DDX3X: variants seen among roughly 807,000 people sequenced by gnomAD.
The protein encoded by DDX3X is ATP-dependent RNA helicase DDX3X.
DDX3X carries 4 observed loss-of-function variants against 52.7 expected under a neutral mutation model. The observed-to-expected ratio is 0.08, with a 90% confidence interval of 0.04 to 0.17. The LOEUF is 0.17. Ranked by LOEUF, DDX3X falls within the 10% of genes least tolerant of loss-of-function variation. The pLI is 1.00. For missense variants in DDX3X, 222 were observed against 548.6 expected (o/e 0.40, Z 5.95); for synonymous variants, 192 against 178.1 (o/e 1.08, Z -0.62).
chrX:41,361,730 C>T lies in DDX3X; in HGVS notation c.655-2544C>T, dbSNP rs774956130. ...TAGACAATATATCACAAACAAATCC[C>T]GAAGTGCTGGGATTACAGGCATGAG... is the stretch of plus-strand genomic sequence containing the variant. On this transcript the variant is annotated intron_variant, in intron 5 of 5. Transcript: ENST00000616050. 1.1e-4 allele frequency among the ~76,000 whole-genome samples: 12 copies of T among 110,927 alleles called. No homozygotes were observed. In the South Asian group the frequency reaches 4.6e-3, roughly 43 times the overall value.
intron 5 of DDX3X, among the ~76,000 whole-genome samples, chrX:41,360,293 G>A (rs1045737420): frequency 1.1e-4 from 12 of 107,072 alleles, no homozygotes; most frequent in African/African-American, 4.1e-4. Context: ...CAGGAGAATC[G>A]CTTGAACCCG....
Position 41,346,991 on chromosome X carries a change from G to A in DDX3X, c.1748G>A (p.Ser583Asn), listed in dbSNP as rs753372536. The change falls in exon 15 of 17, where the codon AGC (serine) becomes AAC (asparagine). Residue 583 changes from serine to asparagine, a missense_variant. Transcript: ENST00000644876. ...NMAYEHHYKG[S>N]SRGRSKSSRF... ...GCTTATGAACACCACTACAAGGGTA[G>A]CAGTCGTGGACGTTCTAAGAGGTGA... 2 of 1,208,036 alleles carry A rather than the reference G, an allele frequency of 1.7e-6. No individual in the cohort carries two copies. Among genetic ancestry groups the A allele is most frequent in the African/African-American group, 3.5e-5 (2 of 56,986 alleles).
At position 41,341,462 on chromosome X, in the gene DDX3X, A is replaced by G. The variant is rs767428583; in HGVS notation, c.152-22A>G. ...CTATTTCTAATTAATAATAAAATGT[A>G]TTTGTGCTTTTTTAATCAAAGGTTT... is the stretch of plus-strand genomic sequence containing the variant. On this transcript the variant is annotated intron_variant, in intron 3 of 16. Coordinates refer to ENST00000644876, the MANE Select transcript of DDX3X (RefSeq NM_001356.5). The G allele has an allele frequency of 2.6e-6, 3 of 1,169,407 alleles. No homozygotes were observed. The East Asian group carries it at 9.0e-5, about 35-fold the overall frequency.
rs774166436 is a variant in DDX3X at position 41,345,383 on chromosome X, TAAA to T, written c.1171-18_1171-16del. On this transcript the variant is annotated intron_variant, in intron 11 of 16. Coordinates refer to ENST00000644876, the MANE Select transcript of DDX3X (RefSeq NM_001356.5). ...GAAATTTGTTTATCTCAGGTAATAATAAAAATTTTTTTTCTTTCAGATGCTGGC... is the reference window on the plus strand; with the variant it reads ...GAAATTTGTTTATCTCAGGTAATAATAATTTTTTTTCTTTCAGATGCTGGC... 44 of 1,195,326 alleles carry T rather than the reference TAAA, an allele frequency of 3.7e-5. No individual in the cohort carries two copies. Among genetic ancestry groups the T allele is most frequent in the South Asian group, 2.0e-4 (11 of 53,734 alleles).
chrX:41,343,738 G>T lies in DDX3X; in HGVS notation c.681G>T (p.Gly227=). ...KRDLMACAQT[G]SGKTAAFLLP... ...ATTTGTTTGTTTGTTTTTGAACAGG[G>T]TCTGGAAAAACTGCAGCATTTCTGT... The change falls in exon 8 of 17, where the codon GGG becomes GGT. Residue 227 remains glycine (G), a splice_region_variant and synonymous_variant. Coordinates refer to ENST00000644876, the MANE Select transcript of DDX3X (RefSeq NM_001356.5). 5 of 1,208,313 alleles carry T rather than the reference G, an allele frequency of 4.1e-6. No individual in the cohort carries two copies. The highest frequency in any genetic ancestry group is 5.6e-6 in the Non-Finnish European group (5 of 892,817).
At chrX:41,344,742 A>T (rs1050645705) in intron 10 of DDX3X, among the ~76,000 whole-genome samples, 7 of 112,224 alleles carry the variant, frequency 6.2e-5, no homozygotes, top group Non-Finnish European at 1.1e-4. Flanking sequence ...CCGGCCAAGT[A>T]TGTTAATTTT....
Position 41,349,009 on chromosome X carries a change from A to G in DDX3X, c.*1290A>G, listed in dbSNP as rs1322951376. 1 of 112,224 alleles carries G rather than the reference A, an allele frequency of 8.9e-6. No individual in the cohort carries two copies. Among genetic ancestry groups the G allele is most frequent in the Non-Finnish European group, 1.9e-5 (1 of 53,243 alleles). 9.2% of individuals were successfully genotyped at this position (112,224 alleles called of 1,213,427 possible). A position where few individuals can be genotyped will look rare whatever the true frequency, so the allele number is the denominator to read the frequency against. On this transcript the variant is annotated 3_prime_UTR_variant, in exon 17 of 17. Coordinates refer to ENST00000644876, the MANE Select transcript of DDX3X (RefSeq NM_001356.5). ...TTTATGCTAAATCTGGCCAAAGATG[A>G]GCATTGTCCACCACTAAAATGCCTC...
chrX:41,343,610 T>G (rs2063882550), intron 7 of DDX3X, 127 bp from the exon 8 acceptor site: 5 of 655,616 alleles, frequency 7.6e-6, no homozygotes, highest in Non-Finnish European at 1.1e-5. Context: ...GAGAAGCCAC[T>G]TTTTGGAAAA....
rs773694310 is a variant in DDX3X, at chrX:41,345,522, T to A, written c.1289T>A (p.Phe430Tyr). The A allele has an allele frequency of 2.5e-6, 3 of 1,204,677 alleles. No homozygotes were observed. The African/African-American group carries it at 5.3e-5, about 21-fold the overall frequency. ...GTGGAAGAATCAGACAAACGGTCAT[T>A]TCTGCTTGACCTCCTAAATGCAACA... ...VWVEESDKRS[F>Y]LLDLLNATGK... Residue 430 changes from phenylalanine to tyrosine, a missense_variant, in exon 12 of 17, where the codon TTT becomes TAT. Around this residue, in one of 5 missense-constraint regions of DDX3X, gnomAD observed 73 missense variants for 301.4 expected, o/e 0.24. Transcript: ENST00000644876.
intron 3 of DDX3X, 160 bp from the exon 4 acceptor site, chrX:41,341,324 C>T: frequency 4.7e-6 from 2 of 422,436 alleles, no homozygotes; most frequent in Non-Finnish European, 7.9e-6. Flanking sequence ...TAAAGAAAAA[C>T]TTTGTCCGGG....
At chrX:41,355,204 G>A (rs192844713), downstream of DDX3X, among the ~76,000 whole-genome samples, 31 of 111,435 alleles carry the variant, frequency 2.8e-4, no homozygotes, top group Non-Finnish European at 5.5e-4. Context: ...TCTTGTTTCC[G>A]GTTTGTGACT....
At chrX:41,334,798 G>T in intron 1 of DDX3X, 1 of 919,262 alleles carries the variant, frequency 1.1e-6, no homozygotes, top group Non-Finnish European at 1.4e-6. Flanking sequence ...ATGTGGGAGG[G>T]GGCGGCCTTC....
intron 5 of DDX3X, among the ~76,000 whole-genome samples, chrX:41,361,468 T>C (rs1279078346): frequency 9.0e-6 from 1 of 110,719 alleles, no homozygotes; most frequent in Non-Finnish European, 1.9e-5. Context: ...GTTGAGATCA[T>C]GCCACTGCAC....
chrX:41,360,379 A>G (rs2064025108), intron 5 of DDX3X, among the ~76,000 whole-genome samples: 2 of 101,170 alleles, frequency 2.0e-5, no homozygotes, highest in Non-Finnish European at 2.0e-5. Context: ...CTCTGTCTCA[A>G]AAAAAAAAAA....
chrX:41,340,155 C>T (rs1001932674), intron 3 of DDX3X: 2 of 111,262 alleles, frequency 1.8e-5, no homozygotes, highest in Non-Finnish European at 3.8e-5. Flanking sequence ...GTGATCCACC[C>T]GCCTCAGCCT....
At chrX:41,346,466 C>T (rs746263844) in intron 13 of DDX3X, 39 bp from the exon 14 acceptor site, 7 of 1,191,771 alleles carry the variant, frequency 5.9e-6, no homozygotes, top group Non-Finnish European at 7.9e-6. Flanking sequence ...TATTTGTTTT[C>T]TTTTAAGTGG....
At position 41,347,900 on chromosome X, in the gene DDX3X, C is replaced by T; in HGVS notation, c.*181C>T. 1 of 409,260 alleles carries T rather than the reference C, an allele frequency of 2.4e-6. No homozygotes were observed. Among genetic ancestry groups the T allele is most frequent in the Non-Finnish European group, 4.2e-6 (1 of 237,116 alleles). The allele number at this position is 409,260 out of a possible 1,213,427, so 33.7% of individuals were successfully genotyped here. A position where few individuals can be genotyped will look rare whatever the true frequency, so the allele number is the denominator to read the frequency against. ...AAGAAGAAATGAAAGGAACAATCAGCAGCCCTGTTCAGAAGGTGGTTTGAA... is the reference window on the plus strand; with the variant it reads ...AAGAAGAAATGAAAGGAACAATCAGTAGCCCTGTTCAGAAGGTGGTTTGAA... On this transcript the variant is annotated 3_prime_UTR_variant, in exon 17 of 17. Coordinates refer to ENST00000644876, the MANE Select transcript of DDX3X (RefSeq NM_001356.5).
At position 41,337,627 on chromosome X, in the gene DDX3X, C is replaced by G; in HGVS notation, c.103+162C>G. On this transcript the variant is annotated intron_variant, in intron 2 of 16. Transcript: ENST00000644876. ...AATTATGTAGTACTTAGTGATCAAT[C>G]TAAAGCATCGTTGCCTTTTTTTTTT... The G allele has an allele frequency of 8.2e-6, 3 of 366,181 alleles. No individual in the cohort carries two copies. In the South Asian group the frequency reaches 1.7e-4, roughly 21 times the overall value. The allele number at this position is 366,181 out of a possible 1,213,427, so 30.2% of individuals were successfully genotyped here.
At chrX:41,344,987 AAT>A (rs2063903877) in intron 10 of DDX3X, among the ~76,000 whole-genome samples, 191 bp from the exon 11 acceptor site, 1 of 111,931 alleles carries the variant, frequency 8.9e-6, no homozygotes. Flanking sequence ...TGTAATCTTG[AAT>A]GACTTATGTA....
Sources: gnomAD v4.1 joint callset for allele counts (sites outside exome capture counted in the v4.1 genomes callset) on GRCh38, gnomAD v4.1.1 for gene constraint, gnomAD v4.1.1 regional missense constraint, MANE v1.5 for transcripts, NCBI Gene and HGNC (gene_info 2026-07-23, HGNC 2026-07-21) for gene names.